Variants in DGKG observed in about 807,000 individuals in gnomAD.
DGKG encodes the protein DAG kinase gamma.
In DGKG, 78 loss-of-function variants were observed where a neutral mutation model predicts 105.3. The observed-to-expected ratio is 0.74, with a 90% CI of 0.62 to 0.89. The LOEUF (loss-of-function observed/expected upper bound fraction) is 0.89, where lower values mean the gene tolerates loss of function less well. DGKG is among the 40% of genes least tolerant of loss of function. The pLI is 0.00. For missense variants in DGKG, 958 were observed against 1,020.1 expected, an observed-to-expected ratio of 0.94 and a Z score of 0.83; for synonymous variants, 346 against 367.1, an observed-to-expected ratio of 0.94 and a Z score of 0.66.
At chr3:186,195,885 T>C (rs1338118945) in intron 21 of DGKG, among the ~76,000 whole-genome samples, 1 of 152,200 alleles carries the variant, frequency 6.6e-6, no homozygotes, top group Non-Finnish European at 1.5e-5. Context: ...TATTTCCTAT[T>C]GCATCTCATT....
chr3:186,193,670 T>C (rs1374468058), intron 21 of DGKG, among the ~76,000 whole-genome samples: 2 of 152,138 alleles, frequency 1.3e-5, no homozygotes, highest in East Asian at 1.9e-4. Flanking sequence ...TCTGGGAAAG[T>C]GGAGCCGAGC....
At chr3:186,233,380 A>G (rs1168925363) in intron 20 of DGKG, among the ~76,000 whole-genome samples, 1 of 152,208 alleles carries the variant, frequency 6.6e-6, no homozygotes, top group Non-Finnish European at 1.5e-5. Flanking sequence ...GACTCTCCAG[A>G]AAGGAATGTA....
intron 19 of DGKG, among the ~76,000 whole-genome samples, chr3:186,247,150 G>C (rs888862466): frequency 6.6e-6 from 1 of 152,164 alleles, no homozygotes; most frequent in Non-Finnish European, 1.5e-5. Context: ...CAGTTAGAAG[G>C]ACTGATAAGG....
At chr3:186,353,118 G>T (rs1219841581) in intron 1 of DGKG, among the ~76,000 whole-genome samples, 1 of 151,960 alleles carries the variant, frequency 6.6e-6, no homozygotes, top group Non-Finnish European at 1.5e-5. Flanking sequence ...TTAACTTCAC[G>T]CATCCTTTAA....
intron 6 of DGKG, among the ~76,000 whole-genome samples, chr3:186,286,080 GT>G (rs1723057180): frequency 6.6e-6 from 1 of 152,140 alleles, no homozygotes; most frequent in Admixed American, 6.5e-5. Flanking sequence ...TACCAGCCTG[GT>G]CCCCTTATTT....
chr3:186,339,357 A>C (rs73885853), intron 1 of DGKG, among the ~76,000 whole-genome samples: 11,060 of 152,230 alleles, frequency 0.073, 1,332 homozygotes, highest in African/African-American at 0.25. Flanking sequence ...AAGAGCTCAG[A>C]CAGCGATGAT....
chr3:186,297,064 T>TCACACACACA lies in DGKG; in HGVS notation c.373+356_373+357insTGTGTGTGTG, dbSNP rs1177958964. ...ACCTCTCTCTGTCTGTCTGTCTGTC[T>TCACACACACA]CTCTCACACACACACACACACACAC... On this transcript the variant is annotated intron_variant, in intron 5 of 24. Coordinates refer to ENST00000265022, the MANE Select transcript of DGKG (RefSeq NM_001346.3). Among the ~76,000 whole-genome samples the TCACACACACA allele has an allele frequency of 3.9e-3, 306 of 78,524 alleles. 2 individuals are homozygous for TCACACACACA. Among genetic ancestry groups the TCACACACACA allele is most frequent in the African/African-American group, 0.012 (232 of 19,532 alleles). 51.5% of individuals were successfully genotyped at this position (78,524 alleles called of 152,430 possible).
chr3:186,334,601 A>G (rs927453744), intron 1 of DGKG, among the ~76,000 whole-genome samples: 1 of 152,254 alleles, frequency 6.6e-6, no homozygotes, highest in African/African-American at 2.4e-5. Context: ...TGAAATAAAT[A>G]CTTCATTAAT....
intron 22 of DGKG, among the ~76,000 whole-genome samples, chr3:186,167,210 T>TTGCCATCCTGCC (rs1716588917): frequency 6.6e-6 from 1 of 152,028 alleles, no homozygotes; most frequent in Non-Finnish European, 1.5e-5. Context: ...GGCATACTGT[T>TTGCCATCCTGCC]TGCCATCCTG....
intron 20 of DGKG, among the ~76,000 whole-genome samples, chr3:186,223,652 G>A (rs898761822): frequency 7.9e-5 from 12 of 152,100 alleles, no homozygotes; most frequent in African/African-American, 2.7e-4. Flanking sequence ...CCAGAGCCTC[G>A]CTCTGCCTGA....
intron 14 of DGKG, among the ~76,000 whole-genome samples, chr3:186,262,896 G>A (rs1273530856): frequency 6.6e-6 from 1 of 151,962 alleles, no homozygotes; most frequent in Admixed American, 6.6e-5. Flanking sequence ...TGGGAGGCCG[G>A]GGCAGGAGCA....
At chr3:186,268,666 G>T (rs933810342) in intron 12 of DGKG, 135 bp downstream of exon 12, 1 of 630,872 alleles carries the variant, frequency 1.6e-6, no homozygotes, top group African/African-American at 1.8e-5. Context: ...GCATTGAATA[G>T]GCGCTGTGGG....
intron 20 of DGKG, among the ~76,000 whole-genome samples, chr3:186,222,000 C>T (rs1277461040): frequency 2.0e-5 from 3 of 152,164 alleles, no homozygotes; most frequent in East Asian, 1.9e-4. Flanking sequence ...CCAAGGGTCG[C>T]GCTCTTTTGA....
chr3:186,233,684 C>T (rs1459635439), intron 20 of DGKG, among the ~76,000 whole-genome samples: 2 of 152,136 alleles, frequency 1.3e-5, no homozygotes, highest in African/African-American at 2.4e-5. Flanking sequence ...GGGGTTTCAC[C>T]GTGTCAGCCA....
At position 186,161,137 on chromosome 3, in the gene DGKG, G is replaced by A. The variant is rs188344714; in HGVS notation, c.2277+466C>T. On this transcript the variant is annotated intron_variant, in intron 24 of 24. Transcript: ENST00000265022. ...TGTGCTCTGCGAGGAATTTTCTCCC[G>A]GGAGCTCCAGCAGTCAAAGGCGCTA... 1.8e-3 allele frequency: 1,734 copies of A among 987,628 alleles called. 4 individuals carry two copies. The highest frequency in any genetic ancestry group is 8.7e-3 in the Admixed American group (144 of 16,548). The allele number at this position is 987,628 out of a possible 1,614,324, so 61.2% of individuals were successfully genotyped here.
intron 7 of DGKG, among the ~76,000 whole-genome samples, 166 bp from the exon 8 acceptor site, chr3:186,280,910 C>G (rs763763399): frequency 6.6e-6 from 1 of 152,148 alleles, no homozygotes; most frequent in African/African-American, 2.4e-5. Context: ...ATTTCTGTCT[C>G]GACCACAAAG....
chr3:186,302,842 A>C (rs1009285671), intron 3 of DGKG, among the ~76,000 whole-genome samples: 1 of 152,102 alleles, frequency 6.6e-6, no homozygotes, highest in South Asian at 2.1e-4. Flanking sequence ...TTAGAAAATA[A>C]TACTGATGGA....
intron 20 of DGKG, among the ~76,000 whole-genome samples, chr3:186,214,043 G>A (rs1356648763): frequency 6.6e-6 from 1 of 152,200 alleles, no homozygotes; most frequent in African/African-American, 2.4e-5. Context: ...AAATATCACT[G>A]CTGGCCTGAA....
chr3:186,261,809 C>T lies in DGKG; in HGVS notation c.1270-31G>A, dbSNP rs145427147. ...AAGGTAAAAGAAAAAGAAATTAGCT[C>T]TGCTTCATCCAATAGGGGGCGTGAG... On this transcript the variant is annotated intron_variant, in intron 14 of 24. Coordinates refer to ENST00000265022, the MANE Select transcript of DGKG (RefSeq NM_001346.3). 4.2e-3 allele frequency: 6,034 copies of T among 1,432,598 alleles called. 19 individuals carry two copies. Among genetic ancestry groups the T allele is most frequent in the Middle Eastern group, 6.6e-3 (37 of 5,636 alleles). The allele number at this position is 1,432,598 out of a possible 1,614,324, so 88.7% of individuals were successfully genotyped here.
Sources: gnomAD v4.1 joint callset for allele counts (sites outside exome capture counted in the v4.1 genomes callset) on GRCh38, gnomAD v4.1.1 for gene constraint, MANE v1.5 for transcripts, NCBI Gene and HGNC (gene_info 2026-07-23, HGNC 2026-07-21) for gene names.